The following RBM47 variants were observed in gnomAD, a reference collection of about 807,000 sequenced individuals.
RBM47 encodes RNA-binding protein 47.
RBM47 carries 21 observed loss-of-function variants against 47.1 expected under a neutral mutation model. That is an observed-to-expected ratio of 0.45 (90% confidence interval 0.32 to 0.64). The LOEUF (loss-of-function observed/expected upper bound fraction) is 0.64. RBM47 is among the 30% of genes least tolerant of loss of function. The pLI, the probability that RBM47 is intolerant of heterozygous loss-of-function variation, is 0.05. For synonymous variants in RBM47, 375 were observed against 361.7 expected, an observed-to-expected ratio of 1.04 and a Z score of -0.42; for missense variants, 708 against 870.9, an observed-to-expected ratio of 0.81 and a Z score of 2.35.
intron 1 of RBM47, among the ~76,000 whole-genome samples, chr4:40,565,838 C>T (rs776812703): frequency 2.6e-4 from 40 of 151,960 alleles, no homozygotes; most frequent in Admixed American, 2.5e-3. Context: ...TTTGGGAGAA[C>T]GAGGTGGGAG....
intron 1 of RBM47, among the ~76,000 whole-genome samples, chr4:40,619,484 G>A (rs906695929): frequency 1.3e-5 from 2 of 152,080 alleles, no homozygotes; most frequent in African/African-American, 2.4e-5. Context: ...TCTTTTCCAT[G>A]GTCTTTAGTG....
intron 2 of RBM47, among the ~76,000 whole-genome samples, chr4:40,515,369 T>C (rs1725448211): frequency 9.1e-6 from 1 of 109,432 alleles, no homozygotes; most frequent in African/African-American, 6.1e-5. Context: ...ACTGGAGGAC[T>C]GAGTGGGACA....
chr4:40,452,689 G>GTTT (rs34342768), intron 3 of RBM47, among the ~76,000 whole-genome samples: 2 of 150,898 alleles, frequency 1.3e-5, no homozygotes, highest in African/African-American at 4.9e-5. Flanking sequence ...CACTACTGCA[G>GTTT]TTTTTTTTTA....
At chr4:40,537,286 T>G (rs2154260942) in intron 2 of RBM47, among the ~76,000 whole-genome samples, 1 of 151,408 alleles carries the variant, frequency 6.6e-6, no homozygotes, top group Non-Finnish European at 1.5e-5. Context: ...TATTTTTTTT[T>G]TCTTAAGACA....
intron 3 of RBM47, among the ~76,000 whole-genome samples, chr4:40,452,500 G>A (rs1296831163): frequency 6.6e-6 from 1 of 152,112 alleles, no homozygotes; most frequent in Admixed American, 6.6e-5. Flanking sequence ...TGTTTATGAA[G>A]TATTCTGCTA....
At chr4:40,463,865 T>C (rs777204020) in intron 3 of RBM47, among the ~76,000 whole-genome samples, 3 of 152,154 alleles carry the variant, frequency 2.0e-5, no homozygotes, top group Non-Finnish European at 4.4e-5. Flanking sequence ...ATACAGTTTT[T>C]ACATGTGCCC....
chr4:40,616,248 G>A (rs1269602352), intron 1 of RBM47, among the ~76,000 whole-genome samples: 1 of 151,890 alleles, frequency 6.6e-6, no homozygotes, highest in African/African-American at 2.4e-5. Context: ...CAGCTACTCT[G>A]GAGGCTGAGG....
intron 2 of RBM47, among the ~76,000 whole-genome samples, chr4:40,524,045 T>C (rs1477111941): frequency 5.9e-5 from 9 of 152,208 alleles, no homozygotes; most frequent in Admixed American, 5.9e-4. Flanking sequence ...TATCTGAAGT[T>C]ACAGCCAATT....
chr4:40,569,052 T>C (rs34708105), intron 1 of RBM47, among the ~76,000 whole-genome samples: 15,123 of 140,632 alleles, frequency 0.11, 1,506 homozygotes, highest in African/African-American at 0.29. Flanking sequence ...GACAGACAGA[T>C]AGATAGATAG....
intron 2 of RBM47, among the ~76,000 whole-genome samples, chr4:40,500,305 C>T (rs1723175558): frequency 6.6e-6 from 1 of 150,540 alleles, no homozygotes; most frequent in Non-Finnish European, 1.5e-5. Flanking sequence ...AAGGGCCAGA[C>T]TTCGTCCCCC....
At chr4:40,444,769 A>G (rs1714252061) in intron 3 of RBM47, among the ~76,000 whole-genome samples, 1 of 151,110 alleles carries the variant, frequency 6.6e-6, no homozygotes, top group African/African-American at 2.4e-5. Context: ...GATTCAAGCG[A>G]TTTATCTGCC....
chr4:40,555,619 T>C (rs971125042), intron 1 of RBM47, among the ~76,000 whole-genome samples: 5 of 152,350 alleles, frequency 3.3e-5, no homozygotes, highest in African/African-American at 1.2e-4. Flanking sequence ...TGCAGAGAAG[T>C]AACTTGCCCA....
At chr4:40,526,903 G>A (rs35778095) in intron 2 of RBM47, among the ~76,000 whole-genome samples, 2 of 144,024 alleles carry the variant, frequency 1.4e-5, no homozygotes, top group Non-Finnish European at 3.0e-5. Flanking sequence ...GCCTGACTTA[G>A]AGCAATGGAA....
intron 1 of RBM47, among the ~76,000 whole-genome samples, chr4:40,548,995 A>C (rs1417608730): frequency 6.6e-6 from 1 of 151,956 alleles, no homozygotes. Context: ...TCAATGAGAA[A>C]ATGAGTTTCT....
chr4:40,619,833 A>G (rs189701190), intron 1 of RBM47, among the ~76,000 whole-genome samples: 231 of 152,292 alleles, frequency 1.5e-3, no homozygotes, highest in Non-Finnish European at 2.6e-3. Flanking sequence ...CAGAGGGCGG[A>G]GAATCTTTAT....
At chr4:40,536,681 C>T (rs1457500293) in intron 2 of RBM47, among the ~76,000 whole-genome samples, 1 of 151,704 alleles carries the variant, frequency 6.6e-6, no homozygotes. Flanking sequence ...TCATATCCAC[C>T]TCTCTGCCTT....
At chr4:40,579,622 T>C (rs1427684311) in intron 1 of RBM47, among the ~76,000 whole-genome samples, 2 of 152,124 alleles carry the variant, frequency 1.3e-5, no homozygotes, top group Admixed American at 6.6e-5. Context: ...ACCCATCTTA[T>C]GGAGGTGGTT....
At chr4:40,600,991 A>AAAAAAAAAAAAG (rs1735224241) in intron 1 of RBM47, among the ~76,000 whole-genome samples, 2 of 149,474 alleles carry the variant, frequency 1.3e-5, no homozygotes, top group Non-Finnish European at 3.0e-5. Flanking sequence ...GTCTCAAAAA[A>AAAAAAAAAAAAG]AAAAAAAAAA....
chr4:40,500,320 A>ACCC (rs1560423264), intron 2 of RBM47, among the ~76,000 whole-genome samples: 20 of 150,130 alleles, frequency 1.3e-4, no homozygotes, highest in African/African-American at 3.7e-4. Flanking sequence ...TCCCCCCCCA[A>ACCC]AAAAAAAAGG....
Sources: gnomAD v4.1 joint callset for allele counts (sites outside exome capture counted in the v4.1 genomes callset) on GRCh38, gnomAD v4.1.1 for gene constraint, MANE v1.5 for transcripts, NCBI Gene and HGNC (gene_info 2026-07-23, HGNC 2026-07-21) for gene names.